The following KDM8 variants were observed in gnomAD, a reference collection of about 807,000 sequenced individuals.
The protein encoded by KDM8 is lysine demethylase 8.
In KDM8, 35 loss-of-function variants were observed where a neutral mutation model predicts 46.9. That is an observed-to-expected ratio of 0.75 (90% CI 0.57 to 0.99). KDM8 has a LOEUF of 0.99. Among genes scored for constraint, KDM8 ranks in the 50% least tolerant of loss-of-function variants. The probability of loss-of-function intolerance (pLI) is 0.00; values close to 1 mark genes in which losing one functional copy is unlikely to be tolerated. For synonymous variants in KDM8, 232 were observed against 227.7 expected (o/e 1.02, Z -0.17); for missense variants, 475 against 537.0 (o/e 0.88, Z 1.14).
rs1249844940 is a variant in KDM8, at chr16:27,210,263, CATT to C, written c.141_143del (p.Leu49del). 2.5e-6 allele frequency: 4 copies of C among 1,613,092 alleles called. No individual in the cohort carries two copies. Among genetic ancestry groups the C allele is most frequent in the Non-Finnish European group, 2.5e-6 (3 of 1,180,038 alleles). ...GAGAAAGTGGAGAGGAGCGTGGTGA[CATT>C]GTTGCAGCGAGCCACTGAGCTCTTC... On this transcript the variant is annotated inframe_deletion, in exon 2 of 8. Coordinates refer to ENST00000286096, the MANE Select transcript of KDM8 (RefSeq NM_024773.3).
intron 7 of KDM8, 39 bp from the exon 8 acceptor site, chr16:27,220,527 A>G (rs1452760591): frequency 6.2e-7 from 1 of 1,614,070 alleles, no homozygotes. Context: ...GGTTCTCCCC[A>G]CTGCCCCTGG....
chr16:27,210,405 C>G lies in KDM8; in HGVS notation c.282C>G (p.Val94=), dbSNP rs757869466. 3 of 1,610,228 alleles carry G rather than the reference C, an allele frequency of 1.9e-6. No homozygotes were observed. Among genetic ancestry groups the G allele is most frequent in the Non-Finnish European group, 1.7e-6 (2 of 1,177,318 alleles). Residue 94 remains valine, a synonymous_variant, in exon 2 of 8, where the codon GTC becomes GTG. Transcript: ENST00000286096. ...WQDVDKDWRR[V]YAIGCLLKAL... ...ACGTAGACAAAGACTGGCGCCGGGT[C>G]TACGCCATCGGCTGCCTCCTGAAAG...
intron 3 of KDM8, 21 bp downstream of exon 3, chr16:27,213,772 G>A (rs773151652): frequency 1.7e-5 from 28 of 1,611,342 alleles, no homozygotes; most frequent in Admixed American, 6.7e-5. Flanking sequence ...GCTGAGGGAG[G>A]TGAGGTCCCT....
intron 5 of KDM8, among the ~76,000 whole-genome samples, chr16:27,218,327 G>A (rs935665753): frequency 2.0e-5 from 3 of 152,042 alleles, no homozygotes; most frequent in Non-Finnish European, 4.4e-5. Flanking sequence ...AGGCCACTGC[G>A]GCCCTGCCCC....
At chr16:27,213,402 A>G (rs1567264032) in intron 2 of KDM8, 183 bp from the exon 3 acceptor site, 2 of 558,342 alleles carry the variant, frequency 3.6e-6, no homozygotes, top group Non-Finnish European at 6.1e-6. Flanking sequence ...GAAAAAAACC[A>G]CCTTGATCTC....
At chr16:27,215,868 G>A in intron 4 of KDM8, 77 bp from the exon 5 acceptor site, 1 of 1,452,648 alleles carries the variant, frequency 6.9e-7, no homozygotes. Flanking sequence ...GGGCCAGCTG[G>A]ACAGCAGCAG....
rs535414274 is a variant in KDM8 at position 27,203,546 on chromosome 16, C to T, written c.-122C>T. The T allele has an allele frequency of 1.3e-5, 2 of 152,986 alleles. No individual in the cohort carries two copies. The highest frequency in any genetic ancestry group is 2.4e-5 in the African/African-American group (1 of 41,576). 9.5% of individuals were successfully genotyped at this position (152,986 alleles called of 1,614,324 possible). A position where few individuals can be genotyped will look rare whatever the true frequency, so the allele number is the denominator to read the frequency against. Reference sequence around the variant, plus strand: ...TCGATACTCCTATGCTAGCCTCTGGCTCCTCAGGGGACACAGCCGAGTGGT... The same window carrying T: ...TCGATACTCCTATGCTAGCCTCTGGTTCCTCAGGGGACACAGCCGAGTGGT... On this transcript the variant is annotated 5_prime_UTR_variant, in exon 1 of 8. Transcript: ENST00000286096.
At position 27,215,002 on chromosome 16, in the gene KDM8, G is replaced by A. The variant is rs961970745; in HGVS notation, c.792G>A (p.Val264=). The A allele has an allele frequency of 5.0e-6, 8 of 1,614,130 alleles. No homozygotes were observed. Among genetic ancestry groups the A allele is most frequent in the Non-Finnish European group, 6.8e-6 (8 of 1,180,010 alleles). Residue 264 remains valine, a synonymous_variant, in exon 4 of 8, where the codon GTG becomes GTA. Coordinates refer to ENST00000286096, the MANE Select transcript of KDM8 (RefSeq NM_024773.3). The stretch of plus-strand genomic sequence containing the variant: ...ACGAGTTCATCAGCAAATACATCGT[G>A]AATGAGGTACATCATGGGGACTGCT... The part of the protein sequence containing the change: ...TVNEFISKYI[V]NEPRDVGYLA...
chr16:27,203,663 G>A (rs16976587), intron 1 of KDM8, 27 bp downstream of exon 1: 3,665 of 164,834 alleles, frequency 0.022, 137 homozygotes, highest in African/African-American at 0.08. Context: ...CGAGAGCGGA[G>A]TCAGCTCCAG....
At chr16:27,207,529 T>A (rs1370450650) in intron 1 of KDM8, among the ~76,000 whole-genome samples, 2 of 152,250 alleles carry the variant, frequency 1.3e-5, no homozygotes. Flanking sequence ...AGAAGACTGA[T>A]GCGGCCAGAA....
intron 5 of KDM8, among the ~76,000 whole-genome samples, chr16:27,218,307 A>G (rs917044737): frequency 6.6e-6 from 1 of 152,094 alleles, no homozygotes; most frequent in African/African-American, 2.4e-5. Flanking sequence ...ATAAATAAAT[A>G]AAGGAGGCCA....
Position 27,210,441 on chromosome 16 carries a change from G to C in KDM8, c.318G>C (p.Leu106=), listed in dbSNP as rs372239061. 3 of 1,601,416 alleles carry C rather than the reference G, an allele frequency of 1.9e-6. No individual in the cohort carries two copies. The highest frequency in any genetic ancestry group is 1.1e-5 in the South Asian group (1 of 90,370). ...GCTGCCTCCTGAAAGCCCTGTGTCT[G>C]TGCCAGGCACCTGAGGATGCCAACA... ...AIGCLLKALC[L]CQAPEDANTV... is the part of the protein sequence containing the mutation. The change falls in exon 2 of 8, where the codon CTG becomes CTC. Residue 106 remains leucine, a synonymous_variant. Transcript: ENST00000286096.
At chr16:27,211,121 CTTT>C (rs370003010) in intron 2 of KDM8, 2,174 of 387,154 alleles carry the variant, frequency 5.6e-3, no homozygotes, top group East Asian at 8.4e-3. Context: ...CATTTTCTCT[CTTT>C]TTTTTTTTTT....
intron 1 of KDM8, 67 bp downstream of exon 1, chr16:27,203,703 A>C (rs1159479653): frequency 5.3e-6 from 1 of 190,152 alleles, no homozygotes; most frequent in African/African-American, 2.3e-5. Flanking sequence ...CCGGGTTCAG[A>C]GGCATAGACC....
At chr16:27,213,464 G>T (rs767164131) in intron 2 of KDM8, 121 bp from the exon 3 acceptor site, 27 of 929,528 alleles carry the variant, frequency 2.9e-5, no homozygotes, top group Non-Finnish European at 4.3e-5. Flanking sequence ...GTTGTCTATT[G>T]TTGTTACTGG....
At chr16:27,212,905 G>A (rs771266785) in intron 2 of KDM8, among the ~76,000 whole-genome samples, 27 of 152,160 alleles carry the variant, frequency 1.8e-4, no homozygotes, top group East Asian at 3.9e-4. Flanking sequence ...GCCCAGGCTC[G>A]TTTCAAACTC....
chr16:27,210,590 G>T lies in KDM8; in HGVS notation c.467G>T (p.Arg156Leu). The part of the protein sequence containing the change: ...QTHLPGKRPA[R>L]GSLPEQPCTK... ...CACCTCCCTGGAAAGAGGCCTGCCC[G>T]TGGCTCCCTCCCAGAGCAACCCTGC... Residue 156 changes from arginine to leucine, a missense_variant, in exon 2 of 8, where the codon CGT (arginine) becomes CTT (leucine). Physicochemically the swap from Arg to Leu is moderately radical, Grantham distance 102. Coordinates refer to ENST00000286096, the MANE Select transcript of KDM8 (RefSeq NM_024773.3). 6.6e-7 allele frequency: 1 copy of T among 1,515,406 alleles called. No individual in the cohort carries two copies. The highest frequency in any genetic ancestry group is 8.8e-7 in the Non-Finnish European group (1 of 1,132,024). 93.9% of individuals were successfully genotyped at this position (1,515,406 alleles called of 1,614,324 possible). A position where few individuals can be genotyped will look rare whatever the true frequency, so the allele number is the denominator to read the frequency against.
chr16:27,209,347 C>A (rs2083457910), intron 1 of KDM8, among the ~76,000 whole-genome samples: 1 of 152,212 alleles, frequency 6.6e-6, no homozygotes, highest in African/African-American at 2.4e-5. Context: ...CACCTTTAAT[C>A]TCCTGAGTAG....
rs552410090 is a variant in KDM8, at chr16:27,205,959, T to C, written c.-32+2323T>C. On this transcript the variant is annotated intron_variant, in intron 1 of 7. Transcript: ENST00000286096. ...ACGAGGCCACTCAGGCTTTTTGATA[T>C]GGCCCACATTTGGGTTACGGTAGGT... is the stretch of plus-strand genomic sequence containing the variant. Among the ~76,000 whole-genome samples, 13 of 152,380 alleles carry C rather than the reference T, an allele frequency of 8.5e-5. No individual in the cohort carries two copies. The East Asian group carries it at 2.3e-3, about 27-fold the overall frequency.
Sources: allele counts gnomAD v4.1 joint callset (sites outside exome capture counted in the v4.1 genomes callset), GRCh38; gene constraint gnomAD v4.1.1; transcripts MANE v1.5; gene names NCBI Gene and HGNC (gene_info 2026-07-23, HGNC 2026-07-21).